Variants in CLSTN2 observed in about 807,000 individuals in gnomAD.
The protein encoded by CLSTN2 is calsyntenin-2.
CLSTN2 carries 48 observed loss-of-function variants against 101.2 expected under a neutral mutation model. That is an observed-to-expected ratio of 0.47 (90% confidence interval 0.38 to 0.60). The LOEUF is 0.60. Among genes scored for constraint, CLSTN2 ranks in the 20% least tolerant of loss-of-function variants. CLSTN2 has a pLI of 0.00. For synonymous variants in CLSTN2, 481 were observed against 463.6 expected (o/e 1.04, Z -0.48); for missense variants, 1,160 against 1,238.2 (o/e 0.94, Z 0.95).
At chr3:140,305,007 G>A (rs1345725722) in intron 2 of CLSTN2, among the ~76,000 whole-genome samples, 3 of 147,930 alleles carry the variant, frequency 2.0e-5, no homozygotes, top group African/African-American at 7.6e-5. Context: ...GGACATAGCT[G>A]TCACACACAC....
At chr3:140,299,651 C>T (rs1471933498) in intron 2 of CLSTN2, among the ~76,000 whole-genome samples, 1 of 152,176 alleles carries the variant, frequency 6.6e-6, no homozygotes, top group Non-Finnish European at 1.5e-5. Context: ...TGGCTATTGA[C>T]TTACATCCCA....
rs2087569846 is a variant in CLSTN2, at chr3:140,348,326, A to G, written c.233-55303A>G. On this transcript the variant is annotated intron_variant, in intron 2 of 16. Transcript: ENST00000458420. ...AAAACCAAGTTTTCCAACTTTTAAA[A>G]CATGTATTTCAGCTTAAAAGGGCTT... 2.0e-5 allele frequency among the ~76,000 whole-genome samples: 3 copies of G among 152,164 alleles called. No homozygotes were observed. The South Asian group carries it at 6.2e-4, about 32-fold the overall frequency.
intron 8 of CLSTN2, among the ~76,000 whole-genome samples, chr3:140,478,620 T>C (rs1934040227): frequency 6.6e-6 from 1 of 152,190 alleles, no homozygotes; most frequent in South Asian, 2.1e-4. Context: ...CAGACTTTTT[T>C]TGGATAATGG....
intron 1 of CLSTN2, among the ~76,000 whole-genome samples, chr3:139,967,357 A>G (rs1276216072): frequency 6.6e-6 from 1 of 152,152 alleles, no homozygotes; most frequent in East Asian, 1.9e-4. Flanking sequence ...GATTGATTGA[A>G]CTGGCTGCGC....
chr3:140,256,020 C>T (rs565956798), intron 2 of CLSTN2, among the ~76,000 whole-genome samples: 3 of 152,316 alleles, frequency 2.0e-5, no homozygotes, highest in Non-Finnish European at 4.4e-5. Flanking sequence ...GTATAAGCCA[C>T]GCCTCTGCCA....
At chr3:139,963,028 A>T in intron 1 of CLSTN2, among the ~76,000 whole-genome samples, 1 of 148,416 alleles carries the variant, frequency 6.7e-6, no homozygotes, top group Non-Finnish European at 1.5e-5. Context: ...TTATTATTAC[A>T]ACACATTAAA....
intron 8 of CLSTN2, chr3:140,507,499 G>A (rs1934707540): frequency 6.6e-6 from 1 of 152,188 alleles, no homozygotes; most frequent in African/African-American, 2.4e-5. Context: ...GCAGGGGTAG[G>A]AGAAGGCACC....
At chr3:140,383,099 C>T (rs1240192587) in intron 2 of CLSTN2, among the ~76,000 whole-genome samples, 7 of 152,138 alleles carry the variant, frequency 4.6e-5, no homozygotes, top group African/African-American at 1.4e-4. Context: ...ATTTCACATA[C>T]ACTCTGTGAG....
chr3:140,369,860 C>T (rs1239879383), intron 2 of CLSTN2, among the ~76,000 whole-genome samples: 1 of 152,196 alleles, frequency 6.6e-6, no homozygotes, highest in African/African-American at 2.4e-5. Flanking sequence ...TAGCACCACC[C>T]AAAGCAGCCA....
chr3:140,346,334 G>A (rs989246567), intron 2 of CLSTN2, among the ~76,000 whole-genome samples: 6 of 152,148 alleles, frequency 3.9e-5, no homozygotes, highest in African/African-American at 1.4e-4. Flanking sequence ...TTAGGAAAGG[G>A]CTACAGATAG....
intron 2 of CLSTN2, among the ~76,000 whole-genome samples, chr3:140,250,879 T>C (rs1040671608): frequency 6.6e-6 from 1 of 152,234 alleles, no homozygotes; most frequent in Non-Finnish European, 1.5e-5. Flanking sequence ...TTGCTTTTTT[T>C]TGGTGGAAAA....
Position 139,945,396 on chromosome 3 carries a change from C to T in CLSTN2, c.109+9913C>T, listed in dbSNP as rs551258759. Among the ~76,000 whole-genome samples, 12 of 152,288 alleles carry T rather than the reference C, an allele frequency of 7.9e-5. No individual in the cohort carries two copies. In the South Asian group the frequency reaches 1.0e-3, roughly 13 times the overall value. On this transcript the variant is annotated intron_variant, in intron 1 of 16. Transcript: ENST00000458420. ...CTGTATGCCTTTTGAAAGGATAAAG[C>T]GCTTACAAAAACAAGGTGATCATAT...
intron 8 of CLSTN2, 56 bp downstream of exon 8, chr3:140,466,787 C>T (rs1933716206): frequency 4.4e-6 from 7 of 1,609,010 alleles, no homozygotes; most frequent in Non-Finnish European, 3.4e-6. Context: ...GGTGGCCAGT[C>T]CAATCCAATG....
chr3:140,305,162 C>T (rs530590197), intron 2 of CLSTN2, among the ~76,000 whole-genome samples: 40 of 151,974 alleles, frequency 2.6e-4, no homozygotes, highest in African/African-American at 7.2e-4. Context: ...GCCTCCACTC[C>T]GTGCTGAGGA....
chr3:140,311,809 G>A (rs933651246), intron 2 of CLSTN2, among the ~76,000 whole-genome samples: 1 of 152,076 alleles, frequency 6.6e-6, no homozygotes, highest in African/African-American at 2.4e-5. Flanking sequence ...TTCTACACAG[G>A]CACTCAACCC....
chr3:140,223,238 T>A (rs1336092815), intron 2 of CLSTN2, among the ~76,000 whole-genome samples: 1 of 152,216 alleles, frequency 6.6e-6, no homozygotes, highest in Non-Finnish European at 1.5e-5. Context: ...GGAGAAATCA[T>A]CAACTGGAGA....
At chr3:140,000,589 A>G (rs1015768134) in intron 1 of CLSTN2, among the ~76,000 whole-genome samples, 2 of 152,224 alleles carry the variant, frequency 1.3e-5, no homozygotes, top group Non-Finnish European at 2.9e-5. Flanking sequence ...GTCAGGACCC[A>G]GATGAGTATT....
intron 16 of CLSTN2, 123 bp from the exon 17 acceptor site, chr3:140,565,930 T>G (rs946390956): frequency 2.5e-6 from 3 of 1,201,786 alleles, no homozygotes; most frequent in Non-Finnish European, 3.5e-6. Context: ...TGAAGAGTTT[T>G]GCACTAAAAG....
chr3:140,227,999 A>G (rs1007751169), intron 2 of CLSTN2, among the ~76,000 whole-genome samples: 6 of 152,218 alleles, frequency 3.9e-5, no homozygotes, highest in Non-Finnish European at 8.8e-5. Flanking sequence ...TGTCTCTGAC[A>G]TGCCCTGGAG....
Sources: gnomAD v4.1 joint callset for allele counts (sites outside exome capture counted in the v4.1 genomes callset) on GRCh38, gnomAD v4.1.1 for gene constraint, MANE v1.5 for transcripts, NCBI Gene and HGNC (gene_info 2026-07-23, HGNC 2026-07-21) for gene names.